Variants in NLRP2 observed in about 807,000 individuals in gnomAD.
NLRP2 encodes NACHT, LRR and PYD domains-containing protein 2.
NLRP2 carries 107 observed loss-of-function variants against 97.2 expected under a neutral mutation model. The ratio of observed to expected loss-of-function variants is 1.10; its 90% CI spans 0.94 to 1.29. The LOEUF (loss-of-function observed/expected upper bound fraction) is 1.29. NLRP2 is among the 50% of genes most tolerant of loss of function. The probability of loss-of-function intolerance (pLI) is 0.00; values close to 1 mark genes in which losing one functional copy is unlikely to be tolerated. For synonymous variants in NLRP2, 663 were observed against 551.5 expected, an observed-to-expected ratio of 1.20 and a Z score of -2.83; for missense variants, 1,495 against 1,330.3, an observed-to-expected ratio of 1.12 and a Z score of -1.93.
chr19:54,967,457 G>A (rs2070530617), intron 1 of NLRP2, among the ~76,000 whole-genome samples: 1 of 152,108 alleles, frequency 6.6e-6, no homozygotes, highest in African/African-American at 2.4e-5. Flanking sequence ...TCTCCAGCCT[G>A]CGCAGCAAGA....
chr19:54,991,924 ATTTTT>A (rs199627730), intron 10 of NLRP2, among the ~76,000 whole-genome samples: 2 of 127,296 alleles, frequency 1.6e-5, no homozygotes, highest in Non-Finnish European at 3.2e-5. Flanking sequence ...CATCTCTGGT[ATTTTT>A]TTTTTTTTTT....
chr19:54,974,440 G>C, intron 2 of NLRP2, 60 bp from the exon 3 acceptor site: 4 of 1,179,080 alleles, frequency 3.4e-6, no homozygotes, highest in East Asian at 2.3e-5. Context: ...CTTTTATGAA[G>C]GCAATAAAAT....
At chr19:55,000,203 A>G (rs778679403) in intron 12 of NLRP2, among the ~76,000 whole-genome samples, 8 of 144,282 alleles carry the variant, frequency 5.5e-5, no homozygotes, top group African/African-American at 1.0e-4. Flanking sequence ...CTTGAACCCA[A>G]GAGGCACAGG....
rs953350410 is a variant in NLRP2 at position 54,991,735 on chromosome 19, G to T, written c.2708+1063G>T. On this transcript the variant is annotated intron_variant, in intron 10 of 12. Transcript: ENST00000448584. ...AATACAAAAATTAGCTAGGCGTGGT[G>T]GTATGGTCCTGTAATCCCAGCTACT... Among the ~76,000 whole-genome samples, 6 of 151,170 alleles carry T rather than the reference G, an allele frequency of 4.0e-5. No homozygotes were observed. In the East Asian group the frequency reaches 1.2e-3, roughly 30 times the overall value.
chr19:54,984,013 G>T (rs545667411), intron 6 of NLRP2, among the ~76,000 whole-genome samples: 3 of 152,218 alleles, frequency 2.0e-5, no homozygotes, highest in East Asian at 3.9e-4. Flanking sequence ...ACCTTGCCCG[G>T]CTAATTTTTA....
chr19:54,984,329 G>GGTTTTTTTTTTTTTTTTTTTTTTTTT (rs1329961462), intron 6 of NLRP2, among the ~76,000 whole-genome samples: 9 of 79,668 alleles, frequency 1.1e-4, no homozygotes, highest in Non-Finnish European at 1.8e-4. Flanking sequence ...TTTTTTTTGT[G>GGTTTTTTTTTTTTTTTTTTTTTTTTT]TTTTTTTTTT....
At chr19:54,968,249 A>T (rs189923842) in intron 1 of NLRP2, among the ~76,000 whole-genome samples, 304 of 151,334 alleles carry the variant, frequency 2.0e-3, no homozygotes, top group Middle Eastern at 0.01. Flanking sequence ...CAGGGTCTTA[A>T]GTTGCCAGGC....
chr19:54,992,538 TGGGG>T (rs58208380), intron 10 of NLRP2, among the ~76,000 whole-genome samples: 40,872 of 101,264 alleles, frequency 0.4, 8,466 homozygotes, highest in Middle Eastern at 0.6. Context: ...GGTATTTTTT[TGGGG>T]GGGGGGGGGT....
chr19:54,973,794 A>G (rs1568471343), intron 2 of NLRP2: 83 of 582,202 alleles, frequency 1.4e-4, no homozygotes, highest in South Asian at 1.1e-3. Context: ...TTTTCTTTCC[A>G]TGCCAATAGC....
intron 2 of NLRP2, chr19:54,973,848 T>C (rs1348313365): frequency 4.8e-6 from 3 of 631,540 alleles, no homozygotes; most frequent in Non-Finnish European, 9.1e-6. Context: ...CGCCGGACTT[T>C]CTGTAAGAAG....
chr19:54,972,061 C>G (rs2070893981), intron 2 of NLRP2, among the ~76,000 whole-genome samples: 1 of 144,166 alleles, frequency 6.9e-6, no homozygotes, highest in Non-Finnish European at 1.5e-5. Flanking sequence ...CCAGGATAGT[C>G]TCGATGTCGT....
At chr19:54,982,096 A>G in intron 5 of NLRP2, 66 bp from the exon 6 acceptor site, 1 of 1,603,340 alleles carries the variant, frequency 6.2e-7, no homozygotes, top group Non-Finnish European at 8.5e-7. Flanking sequence ...GCATTTTGTT[A>G]TTTTGGTTTT....
Position 54,982,862 on chromosome 19 carries a change from C to G in NLRP2, c.1164C>G (p.Asn388Lys). The change falls in exon 6 of 13, where the codon AAC becomes AAG. Residue 388 changes from asparagine to lysine, a missense_variant. Coordinates refer to ENST00000448584, the MANE Select transcript of NLRP2 (RefSeq NM_017852.5). The stretch of plus-strand genomic sequence containing the variant: ...GTGCCTTTGAGCTAATGAGGAGCAA[C>G]GCGGCCCTGTTCCAGCTGGGCTCGG... ...AMRAFELMRSNAALFQLGSAP... is the reference protein window; with the variant it reads ...AMRAFELMRSKAALFQLGSAP... 1 of 1,613,134 alleles carries G rather than the reference C, an allele frequency of 6.2e-7. No homozygotes were observed. The highest frequency in any genetic ancestry group is 8.5e-7 in the Non-Finnish European group (1 of 1,179,974).
chr19:54,997,545 CATA>C (rs1015211746), intron 12 of NLRP2, 58 bp downstream of exon 12: 1 of 1,555,036 alleles, frequency 6.4e-7, no homozygotes, highest in African/African-American at 1.4e-5. Context: ...TTAGGGGAAG[CATA>C]ATGACATGGA....
rs145646456 is a variant in NLRP2 at position 54,982,710 on chromosome 19, C to T, written c.1012C>T (p.Pro338Ser). The change falls in exon 6 of 13, where the codon CCC becomes TCC. Residue 338 changes from proline (P) to serine (S), a missense_variant. Coordinates refer to ENST00000448584, the MANE Select transcript of NLRP2 (RefSeq NM_017852.5). Reference protein sequence around the residue: ...PKAALLVTTRPRALRDLRILA... With the variant: ...PKAALLVTTRSRALRDLRILA... ...GGCCGCCCTGCTGGTCACCACGCGGCCCAGGGCCCTGAGGGACCTCCGGAT... is the reference window on the plus strand; with the variant it reads ...GGCCGCCCTGCTGGTCACCACGCGGTCCAGGGCCCTGAGGGACCTCCGGAT... 31 of 1,613,954 alleles carry T rather than the reference C, an allele frequency of 1.9e-5. No homozygotes were observed. The African/African-American group carries it at 3.7e-4, about 19-fold the overall frequency.
chr19:54,982,792 G>A lies in NLRP2; in HGVS notation c.1094G>A (p.Arg365Lys), dbSNP rs2071691362. Reference sequence around the variant, plus strand: ...GAGGGCTTCCTGGAGGAGGACAGGAGGGCCTATTTCCTGAGACACTTTGGA... The same window carrying A: ...GAGGGCTTCCTGGAGGAGGACAGGAAGGCCTATTTCCTGAGACACTTTGGA... ...RVEGFLEEDR[R>K]AYFLRHFGDE... Residue 365 changes from arginine (R) to lysine (K), a missense_variant, in exon 6 of 13, where the codon AGG (arginine) becomes AAG (lysine). By Grantham distance (26) the Arg-to-Lys change is conservative. Coordinates refer to ENST00000448584, the MANE Select transcript of NLRP2 (RefSeq NM_017852.5). 1 of 1,613,944 alleles carries A rather than the reference G, an allele frequency of 6.2e-7. No individual in the cohort carries two copies. Among genetic ancestry groups the A allele is most frequent in the Non-Finnish European group, 8.5e-7 (1 of 1,180,014 alleles).
In NLRP2 at chr19:54,985,164, A is replaced by G; in HGVS notation, c.2148A>G (p.Val716=). The part of the protein sequence containing the change: ...INDSFLSASL[V]RILCEQIASD... ...ATAGCTTTCTCAGTGCCTCCCTAGT[A>G]AGGATCCTGTGTGAACAAATAGCCT... The change falls in exon 7 of 13, where the codon GTA becomes GTG. Residue 716 remains valine, a synonymous_variant. Transcript: ENST00000448584. 1.9e-6 allele frequency: 3 copies of G among 1,614,058 alleles called. No individual in the cohort carries two copies. Among genetic ancestry groups the G allele is most frequent in the Non-Finnish European group, 2.5e-6 (3 of 1,179,982 alleles).
rs1173978652 is a variant in NLRP2 at position 54,990,603 on chromosome 19, T to C, written c.2639T>C (p.Ile880Thr). 6.2e-7 allele frequency: 1 copy of C among 1,614,122 alleles called. No homozygotes were observed. The highest frequency in any genetic ancestry group is 1.1e-5 in the South Asian group (1 of 91,064). The change falls in exon 10 of 13, where the codon ATT becomes ACT. Residue 880 changes from isoleucine to threonine, a missense_variant. Physicochemically the swap from Ile to Thr is moderately conservative, Grantham distance 89. Coordinates refer to ENST00000448584, the MANE Select transcript of NLRP2 (RefSeq NM_017852.5). ...LTHLCLAKNP[I>T]GNTGVKFLCE... is the part of the protein sequence containing the mutation. ...CACCTGTGCTTGGCCAAGAACCCCA[T>C]TGGGAATACAGGGGTGAAGTTTCTG...
At position 54,984,325 on chromosome 19, in the gene NLRP2, T is replaced by G. The variant is rs867144533; in HGVS notation, c.2030+597T>G. On this transcript the variant is annotated intron_variant, in intron 6 of 12. Coordinates refer to ENST00000448584, the MANE Select transcript of NLRP2 (RefSeq NM_017852.5). ...AGCTAACTTAAGTGGGGGTTTTTTT[T>G]TGTGTTTTTTTTTTTTTTTTTTTTT... Among the ~76,000 whole-genome samples, 769 of 102,700 alleles carry G rather than the reference T, an allele frequency of 7.5e-3. 20 individuals are homozygous for G. Among genetic ancestry groups the G allele is most frequent in the African/African-American group, 0.031 (682 of 22,196 alleles). The allele number at this position is 102,700 out of a possible 152,430, so 67.4% of individuals were successfully genotyped here. A position where few individuals can be genotyped will look rare whatever the true frequency, so the allele number is the denominator to read the frequency against.
Sources: gnomAD v4.1 joint callset for allele counts (sites outside exome capture counted in the v4.1 genomes callset) on GRCh38, gnomAD v4.1.1 for gene constraint, MANE v1.5 for transcripts, NCBI Gene and HGNC (gene_info 2026-07-23, HGNC 2026-07-21) for gene names.